The following AIG1 variants were observed in gnomAD, a reference collection of about 807,000 sequenced individuals.
AIG1 encodes the protein androgen induced 1.
In AIG1, 23 loss-of-function variants were observed where a neutral mutation model predicts 31.4. The observed-to-expected ratio is 0.73, with a 90% CI of 0.53 to 1.04. The LOEUF is 1.04. Ranked by LOEUF, AIG1 falls within the 50% of genes least tolerant of loss-of-function variation. The pLI is 0.00. For missense variants in AIG1, 274 were observed against 295.0 expected (o/e 0.93, Z 0.52); for synonymous variants, 100 against 110.5 (o/e 0.90, Z 0.60).
At chr6:143,336,076 T>C (rs1210856074) in intron 5 of AIG1, among the ~76,000 whole-genome samples, 2 of 152,200 alleles carry the variant, frequency 1.3e-5, no homozygotes, top group Non-Finnish European at 1.5e-5. Flanking sequence ...TTCTGTTAGC[T>C]GTTGAGTCAA....
intron 1 of AIG1, among the ~76,000 whole-genome samples, chr6:143,095,736 T>C (rs1055490866): frequency 1.3e-5 from 2 of 152,250 alleles, no homozygotes; most frequent in South Asian, 4.1e-4. Flanking sequence ...TCTTGTTTTT[T>C]CATCCCTTTA....
At chr6:143,161,955 A>T (rs1445404430) in intron 2 of AIG1, among the ~76,000 whole-genome samples, 4 of 151,248 alleles carry the variant, frequency 2.6e-5, no homozygotes, top group African/African-American at 9.7e-5. Context: ...GCAGTGCAAT[A>T]AAAAAAAAGA....
chr6:143,251,769 A>C (rs1053066635), intron 3 of AIG1, among the ~76,000 whole-genome samples: 5 of 151,998 alleles, frequency 3.3e-5, no homozygotes, highest in Non-Finnish European at 5.9e-5. Flanking sequence ...GCCTTTTACC[A>C]TTCTTTCCAC....
intron 1 of AIG1, among the ~76,000 whole-genome samples, chr6:143,127,486 A>G (rs776250164): frequency 2.6e-5 from 4 of 152,248 alleles, no homozygotes; most frequent in Non-Finnish European, 5.9e-5. Flanking sequence ...ACTACCAGTC[A>G]CTGGGGATAT....
intron 1 of AIG1, among the ~76,000 whole-genome samples, chr6:143,087,281 G>T (rs189167554): frequency 6.6e-6 from 1 of 152,108 alleles, no homozygotes; most frequent in African/African-American, 2.4e-5. Flanking sequence ...CAAGCCTTTT[G>T]TTCTCTCACC....
rs1355126938 is a variant in AIG1 at position 143,301,439 on chromosome 6, A to G, written c.515+17214A>G. Among the ~76,000 whole-genome samples the G allele has an allele frequency of 1.1e-4, 17 of 152,306 alleles. No homozygotes were observed. The East Asian group carries it at 3.3e-3, about 29-fold the overall frequency. ...TGCAAGCCCCAAGCCTTGGCAGCTTACACGTGGTGTTGGGCCATTCTCACG... is the reference window on the plus strand; with the variant it reads ...TGCAAGCCCCAAGCCTTGGCAGCTTGCACGTGGTGTTGGGCCATTCTCACG... On this transcript the variant is annotated intron_variant, in intron 4 of 5. Coordinates refer to ENST00000357847, the MANE Select transcript of AIG1 (RefSeq NM_016108.4).
chr6:143,118,895 A>G (rs1000832033), intron 1 of AIG1, among the ~76,000 whole-genome samples: 1 of 147,464 alleles, frequency 6.8e-6, no homozygotes, highest in Non-Finnish European at 1.5e-5. Flanking sequence ...TCTTTTTGAG[A>G]CAGGGTCTTA....
At chr6:143,085,450 A>G (rs1778676040) in intron 1 of AIG1, among the ~76,000 whole-genome samples, 1 of 152,202 alleles carries the variant, frequency 6.6e-6, no homozygotes, top group Admixed American at 6.5e-5. Context: ...AAAGGGGTCC[A>G]GGCTGCTGGA....
At chr6:143,305,552 T>A (rs919081278) in intron 4 of AIG1, among the ~76,000 whole-genome samples, 1 of 152,218 alleles carries the variant, frequency 6.6e-6, no homozygotes, top group African/African-American at 2.4e-5. Flanking sequence ...AGTTTCTTAA[T>A]CCTGAGTTCT....
At chr6:143,195,050 A>G (rs972217075) in intron 3 of AIG1, among the ~76,000 whole-genome samples, 3 of 152,198 alleles carry the variant, frequency 2.0e-5, no homozygotes, top group African/African-American at 7.2e-5. Context: ...ATTGTTCTGG[A>G]TACTGACTGT....
At position 143,259,930 on chromosome 6, in the gene AIG1, A is replaced by G. The variant is rs967039730; in HGVS notation, c.400-24180A>G. On this transcript the variant is annotated intron_variant, in intron 3 of 5. Transcript: ENST00000357847. ...TTTGAATGTAGTGACCTGGAAGCCA[A>G]GGGAAAAATTCTGTAGCGTATGTGG... Among the ~76,000 whole-genome samples, 4 of 152,200 alleles carry G rather than the reference A, an allele frequency of 2.6e-5. No individual in the cohort carries two copies. The East Asian group carries it at 7.7e-4, about 29-fold the overall frequency.
At chr6:143,252,560 G>A (rs1300205960) in intron 3 of AIG1, among the ~76,000 whole-genome samples, 4 of 152,170 alleles carry the variant, frequency 2.6e-5, no homozygotes, top group Non-Finnish European at 4.4e-5. Flanking sequence ...AGTTAAGAAG[G>A]TACATAAAAT....
intron 1 of AIG1, among the ~76,000 whole-genome samples, chr6:143,073,414 G>T (rs1203739034): frequency 6.6e-6 from 1 of 152,068 alleles, no homozygotes; most frequent in Non-Finnish European, 1.5e-5. Context: ...GTATATGGTG[G>T]TTCTATTTTT....
intron 1 of AIG1, among the ~76,000 whole-genome samples, chr6:143,096,202 G>A (rs571912062): frequency 2.0e-5 from 3 of 152,072 alleles, no homozygotes; most frequent in Non-Finnish European, 2.9e-5. Flanking sequence ...CACCACGCCC[G>A]GCCCTAGATA....
intron 3 of AIG1, among the ~76,000 whole-genome samples, chr6:143,243,204 A>G (rs1014974633): frequency 6.6e-6 from 1 of 152,222 alleles, no homozygotes; most frequent in Non-Finnish European, 1.5e-5. Context: ...ATGATGTGGG[A>G]ACATTTGCAG....
At chr6:143,131,709 G>T (rs879690567) in intron 1 of AIG1, among the ~76,000 whole-genome samples, 1 of 152,204 alleles carries the variant, frequency 6.6e-6, no homozygotes, top group Middle Eastern at 3.2e-3. Context: ...ACCTGAATGA[G>T]CTTGGAAGTA....
At chr6:143,323,091 G>A (rs956678846) in intron 4 of AIG1, among the ~76,000 whole-genome samples, 6 of 152,136 alleles carry the variant, frequency 3.9e-5, no homozygotes, top group Non-Finnish European at 7.3e-5. Flanking sequence ...AGTATCCAAG[G>A]TGAACTAACA....
chr6:143,140,962 G>A (rs922488055), intron 2 of AIG1, among the ~76,000 whole-genome samples: 12 of 152,150 alleles, frequency 7.9e-5, no homozygotes, highest in Admixed American at 7.9e-4. Context: ...TGACTGCTGG[G>A]GCACTGCCAA....
rs74919090 is a variant in AIG1 at position 143,068,665 on chromosome 6, A to G, written c.141+7599A>G. Among the ~76,000 whole-genome samples the G allele has an allele frequency of 3.9e-3, 592 of 152,350 alleles. 1 individual carries two copies. The highest frequency in any genetic ancestry group is 0.013 in the African/African-American group (533 of 41,574). ...TGTGCAAATACAGGAAACAATAGAAATACAGGGAAGAAAATATAGTCCATC... is the reference window on the plus strand; with the variant it reads ...TGTGCAAATACAGGAAACAATAGAAGTACAGGGAAGAAAATATAGTCCATC... On this transcript the variant is annotated intron_variant, in intron 1 of 5. Transcript: ENST00000357847.
Sources: allele counts gnomAD v4.1 joint callset (sites outside exome capture counted in the v4.1 genomes callset), GRCh38; gene constraint gnomAD v4.1.1; transcripts MANE v1.5; gene names NCBI Gene and HGNC (gene_info 2026-07-23, HGNC 2026-07-21).